PRELID2: variants seen among roughly 807,000 people sequenced by gnomAD.
PRELID2 encodes PRELI domain containing 2, also known as PRELI domain-containing protein 2.
Under a neutral mutation model 28.4 loss-of-function variants are expected in PRELID2, and 25 were observed. The ratio of observed to expected loss-of-function variants is 0.88; its 90% CI spans 0.64 to 1.23. PRELID2 has a LOEUF of 1.23. Among genes scored for constraint, PRELID2 ranks in the 50% most tolerant of loss-of-function variants. The probability of loss-of-function intolerance (pLI) is 0.00; values close to 1 mark genes in which losing one functional copy is unlikely to be tolerated. For synonymous variants in PRELID2, 76 were observed against 71.6 expected (o/e 1.06, Z -0.31); for missense variants, 201 against 214.4 (o/e 0.94, Z 0.39).
chr5:145,576,701 G>T (rs1011151304), intron 1 of PRELID2, among the ~76,000 whole-genome samples: 1 of 150,898 alleles, frequency 6.6e-6, no homozygotes, highest in African/African-American at 2.4e-5. Flanking sequence ...GATGCAGTTT[G>T]TTAAATTGTA....
chr5:145,410,840 A>G, the PRELID2 span, among the ~76,000 whole-genome samples: 2 of 152,158 alleles, frequency 1.3e-5, no homozygotes, highest in Non-Finnish European at 2.9e-5. Context: ...ACCATCTCTG[A>G]AAGTCTTAAC....
intron 1 of PRELID2, among the ~76,000 whole-genome samples, chr5:145,560,036 T>C (rs1007917907): frequency 6.6e-6 from 1 of 152,136 alleles, no homozygotes; most frequent in Non-Finnish European, 1.5e-5. Flanking sequence ...CTCAGAACAT[T>C]TACATTAGTC....
chr5:145,265,382 G>T, the PRELID2 span, among the ~76,000 whole-genome samples: 1 of 151,994 alleles, frequency 6.6e-6, no homozygotes, highest in Non-Finnish European at 1.5e-5. Context: ...TTGTGAAAAT[G>T]ACCATACTGC....
chr5:145,503,077 C>T (rs1235348809), intron 1 of PRELID2, among the ~76,000 whole-genome samples: 1 of 152,064 alleles, frequency 6.6e-6, no homozygotes, highest in African/African-American at 2.4e-5. Flanking sequence ...GGAGAGTATT[C>T]ACAGGGGGTG....
At chr5:145,351,646 C>T in the PRELID2 span, among the ~76,000 whole-genome samples, 5 of 152,164 alleles carry the variant, frequency 3.3e-5, no homozygotes, top group South Asian at 4.2e-4. Flanking sequence ...TCATGCCTTT[C>T]CAACAGTCCC....
the PRELID2 span, among the ~76,000 whole-genome samples, chr5:145,345,828 G>A: frequency 2.8e-5 from 4 of 142,388 alleles, no homozygotes; most frequent in Non-Finnish European, 4.6e-5. Context: ...CCGCACCCCC[G>A]CCCCACCCCA....
chr5:145,741,379 A>G (rs1227040974), intron 1 of PRELID2, among the ~76,000 whole-genome samples: 2 of 109,608 alleles, frequency 1.8e-5, no homozygotes, highest in African/African-American at 7.3e-5. Context: ...TATAAATTTT[A>G]TTTATAAATT....
At chr5:145,365,447 A>G in the PRELID2 span, among the ~76,000 whole-genome samples, 1 of 151,892 alleles carries the variant, frequency 6.6e-6, no homozygotes, top group Non-Finnish European at 1.5e-5. Context: ...AATTTAATCT[A>G]TGTAAAAGAT....
At chr5:145,503,373 G>A (rs1465019793) in intron 1 of PRELID2, among the ~76,000 whole-genome samples, 1 of 151,994 alleles carries the variant, frequency 6.6e-6, no homozygotes, top group Non-Finnish European at 1.5e-5. Context: ...TAAAACAATG[G>A]TGATAAAATT....
intron 1 of PRELID2, among the ~76,000 whole-genome samples, chr5:145,657,058 A>G (rs1754408401): frequency 6.6e-6 from 1 of 152,168 alleles, no homozygotes; most frequent in Non-Finnish European, 1.5e-5. Flanking sequence ...TATTAGTTTA[A>G]TTATAATTTG....
intron 1 of PRELID2, among the ~76,000 whole-genome samples, chr5:145,635,780 A>G (rs1753991935): frequency 6.6e-6 from 1 of 152,050 alleles, no homozygotes; most frequent in Non-Finnish European, 1.5e-5. Flanking sequence ...CCTTTCGCCT[A>G]CTCTGTCTGG....
chr5:145,286,716 G>GTTTTT, the PRELID2 span, among the ~76,000 whole-genome samples: 4 of 63,068 alleles, frequency 6.3e-5, no homozygotes, highest in East Asian at 1.1e-3. Context: ...TTTTTTGTTT[G>GTTTTT]TTTGTTTGTT....
At position 145,501,477 on chromosome 5, in the gene PRELID2, G is replaced by A. The variant is rs138265021; in HGVS notation, n.71-28162C>T. Among the ~76,000 whole-genome samples, 106 of 152,238 alleles carry A rather than the reference G, an allele frequency of 7.0e-4. No homozygotes were observed. The East Asian group carries it at 0.012, about 17-fold the overall frequency. ...CATGTGTTGTGGGAGAGACCCGGTG[G>A]GAGGTAATTGAATCATGTGGGCAGT... On this transcript the variant is annotated intron_variant and non_coding_transcript_variant, in intron 1 of 2. Transcript: ENST00000510259.
intron 1 of PRELID2, among the ~76,000 whole-genome samples, chr5:145,729,663 C>T (rs543480446): frequency 5.9e-5 from 9 of 152,324 alleles, no homozygotes; most frequent in East Asian, 1.9e-4. Flanking sequence ...CTTGGGTGTC[C>T]GTTGACGATG....
At chr5:145,319,104 GTA>G in the PRELID2 span, among the ~76,000 whole-genome samples, 1 of 152,112 alleles carries the variant, frequency 6.6e-6, no homozygotes, top group African/African-American at 2.4e-5. Flanking sequence ...GTGTATATGG[GTA>G]TGGTATAGGG....
the PRELID2 span, among the ~76,000 whole-genome samples, chr5:145,282,780 C>T: frequency 1.3e-5 from 2 of 152,056 alleles, no homozygotes; most frequent in Non-Finnish European, 2.9e-5. Context: ...CTGCCTCCCA[C>T]TGTGCTAGGA....
the PRELID2 span, among the ~76,000 whole-genome samples, chr5:145,275,858 ATCTCTC>A: frequency 6.6e-6 from 1 of 152,102 alleles, no homozygotes; most frequent in Non-Finnish European, 1.5e-5. Context: ...GAGTTACTTA[ATCTCTC>A]TGTGTATCAT....
intron 1 of PRELID2, among the ~76,000 whole-genome samples, chr5:145,689,305 AG>A (rs1178963848): frequency 7.9e-5 from 12 of 151,960 alleles, no homozygotes; most frequent in Admixed American, 3.3e-4. Flanking sequence ...GTTAAAAAAA[AG>A]AAAAACTGCA....
the PRELID2 span, among the ~76,000 whole-genome samples, chr5:145,401,904 C>T: frequency 2.0e-5 from 3 of 152,140 alleles, no homozygotes; most frequent in African/African-American, 7.2e-5. Context: ...CACTATTTGC[C>T]TGGGTAACTA....
Sources: allele counts gnomAD v4.1 joint callset (sites outside exome capture counted in the v4.1 genomes callset), GRCh38; gene constraint gnomAD v4.1.1; transcripts MANE v1.5; gene names NCBI Gene and HGNC (gene_info 2026-07-23, HGNC 2026-07-21).